The following UNC13A variants were observed in gnomAD, a reference collection of about 807,000 sequenced individuals.
UNC13A encodes the protein protein unc-13 homolog A.
A neutral mutation model predicts 219.7 loss-of-function variants in UNC13A; 61 were observed. That is an observed-to-expected ratio of 0.28 (90% confidence interval 0.23 to 0.34). The LOEUF is 0.34. Among genes scored for constraint, UNC13A ranks in the 10% least tolerant of loss-of-function variants. The probability of loss-of-function intolerance (pLI) is 1.00; values close to 1 mark genes in which losing one functional copy is unlikely to be tolerated. For missense variants in UNC13A, 1,476 were observed against 2,270.3 expected, an observed-to-expected ratio of 0.65 and a Z score of 7.11; for synonymous variants, 920 against 884.6, an observed-to-expected ratio of 1.04 and a Z score of -0.71.
intron 31 of UNC13A, chr19:17,628,298 GAC>G: frequency 3.4e-6 from 1 of 295,614 alleles, no homozygotes; most frequent in Non-Finnish European, 6.5e-6. Context: ...GCCAGACAGT[GAC>G]ACACTGAAGG....
At chr19:17,652,417 C>A (rs1310037043) in intron 12 of UNC13A, among the ~76,000 whole-genome samples, 1 of 152,168 alleles carries the variant, frequency 6.6e-6, no homozygotes, top group Non-Finnish European at 1.5e-5. Context: ...CAGGCATGAG[C>A]CACCGCACCC....
At chr19:17,672,861 C>T (rs2079816873) in intron 3 of UNC13A, among the ~76,000 whole-genome samples, 1 of 152,116 alleles carries the variant, frequency 6.6e-6, no homozygotes. Flanking sequence ...GCTCCCTTTA[C>T]CTACAGGATA....
At chr19:17,660,095 T>C (rs551649570) in intron 8 of UNC13A, among the ~76,000 whole-genome samples, 5 of 152,070 alleles carry the variant, frequency 3.3e-5, no homozygotes, top group Admixed American at 2.0e-4. Flanking sequence ...AGAGATGGGA[T>C]CTCCCTATAT....
intron 1 of UNC13A, among the ~76,000 whole-genome samples, chr19:17,680,864 T>C (rs1227849692): frequency 8.2e-6 from 1 of 122,230 alleles, no homozygotes; most frequent in African/African-American, 2.8e-5. Context: ...TCTCTTCTTC[T>C]TCTTCTTTTT....
chr19:17,623,573 G>A (rs999614134), intron 35 of UNC13A, 26 bp from the exon 36 acceptor site: 21 of 1,226,662 alleles, frequency 1.7e-5, no homozygotes, highest in Non-Finnish European at 2.2e-5. Flanking sequence ...GGGGCGGGGC[G>A]GTGGGGGAGG....
chr19:17,651,035 T>TCAAGCAATTCTCCTATCTCAGCCTCC, intron 12 of UNC13A, among the ~76,000 whole-genome samples: 1 of 151,392 alleles, frequency 6.6e-6, no homozygotes, highest in Non-Finnish European at 1.5e-5. Flanking sequence ...CCTCCTGGGT[T>TCAAGCAATTCTCCTATCTCAGCCTCC]CAAGCAATTC....
chr19:17,655,782 C>T (rs1183224964), intron 10 of UNC13A, 101 bp downstream of exon 10: 2 of 1,429,122 alleles, frequency 1.4e-6, no homozygotes, highest in African/African-American at 2.9e-5. Context: ...GTGACAACTT[C>T]AGCCCCAGCA....
At chr19:17,626,878 A>C (rs2076789022) in intron 33 of UNC13A, 93 bp from the exon 34 acceptor site, 2 of 1,470,410 alleles carry the variant, frequency 1.4e-6, no homozygotes, top group Admixed American at 2.3e-5. Flanking sequence ...TATCATTTGC[A>C]TCACAGCACA....
chr19:17,622,661 C>G (rs1484307752), intron 36 of UNC13A: 1 of 152,810 alleles, frequency 6.5e-6, no homozygotes, highest in Admixed American at 6.5e-5. Flanking sequence ...TCACCACCAC[C>G]ACCACCACCA....
At chr19:17,665,884 G>A (rs974495667) in intron 7 of UNC13A, among the ~76,000 whole-genome samples, 3 of 152,104 alleles carry the variant, frequency 2.0e-5, no homozygotes, top group African/African-American at 4.8e-5. Flanking sequence ...AGCCCTCAGA[G>A]TGAGGGGGCT....
intron 2 of UNC13A, among the ~76,000 whole-genome samples, chr19:17,675,788 A>G (rs997259634): frequency 1.3e-5 from 2 of 151,846 alleles, no homozygotes; most frequent in Non-Finnish European, 1.5e-5. Context: ...CCCCTTACAG[A>G]CTCTCCAAGG....
rs1024020681 is a variant in UNC13A, at chr19:17,676,311, A to G, written c.23-270T>C. ...GAGAGAAGCCATCAGACAGATGAGC[A>G]CAGGCAACCCTAGAATGGAAGGAAA... is the stretch of plus-strand genomic sequence containing the variant. On this transcript the variant is annotated intron_variant, in intron 1 of 43. Transcript: ENST00000519716. The G allele has an allele frequency of 1.5e-5, 9 of 593,242 alleles. No homozygotes were observed. In the African/African-American group the frequency reaches 1.7e-4, roughly 11 times the overall value. 36.7% of individuals were successfully genotyped at this position (593,242 alleles called of 1,614,324 possible). A position where few individuals can be genotyped will look rare whatever the true frequency, so the allele number is the denominator to read the frequency against.
At chr19:17,608,415 AT>A (rs1365239269) in intron 43 of UNC13A, among the ~76,000 whole-genome samples, 44 of 137,856 alleles carry the variant, frequency 3.2e-4, no homozygotes, top group Non-Finnish European at 5.4e-4. Context: ...ATATATAAAA[AT>A]ATATTTATAT....
At chr19:17,682,998 G>A (rs1057513317) in intron 1 of UNC13A, among the ~76,000 whole-genome samples, 10 of 152,148 alleles carry the variant, frequency 6.6e-5, no homozygotes, top group African/African-American at 2.4e-4. Flanking sequence ...CCGGGAGGAG[G>A]AGGTTACAGT....
At chr19:17,633,863 A>C (rs1250737098) in intron 26 of UNC13A, among the ~76,000 whole-genome samples, 1 of 150,028 alleles carries the variant, frequency 6.7e-6, no homozygotes, top group East Asian at 2.0e-4. Context: ...CCATCCACCT[A>C]CCCATCTATC....
At chr19:17,669,813 G>A (rs923056709) in intron 4 of UNC13A, 137 bp from the exon 5 acceptor site, 28 of 1,037,380 alleles carry the variant, frequency 2.7e-5, no homozygotes, top group Middle Eastern at 3.4e-4. Context: ...CTTTCCTTCC[G>A]TCCTTCCTTC....
At chr19:17,609,279 T>G (rs968896687) in intron 43 of UNC13A, among the ~76,000 whole-genome samples, 4 of 152,012 alleles carry the variant, frequency 2.6e-5, no homozygotes, top group African/African-American at 4.8e-5. Flanking sequence ...CAGAGCAGAC[T>G]TTTTTATGCT....
At position 17,655,287 on chromosome 19, in the gene UNC13A, A is replaced by C. The variant is rs1314417500; in HGVS notation, c.1379T>G (p.Met460Arg). 1 of 1,578,032 alleles carries C rather than the reference A, an allele frequency of 6.3e-7. No individual in the cohort carries two copies. Among genetic ancestry groups the C allele is most frequent in the Non-Finnish European group, 8.6e-7 (1 of 1,163,794 alleles). ...CGTGTCACTCACCTCCTGCAGCTGC[A>C]TCCGCACCTTGTTGAAGGCACGCAG... ...NWLRAFNKVR[M>R]QLQEARGEGE... The change falls in exon 11 of 44, where the codon ATG becomes AGG. Residue 460 changes from methionine to arginine, a missense_variant. This residue lies in a region of UNC13A where 351 missense variants were observed against 342.6 expected (regional missense o/e 1.02). Transcript: ENST00000519716.
Position 17,656,295 on chromosome 19 carries a change from C to G in UNC13A, c.871G>C (p.Asp291His). The stretch of plus-strand genomic sequence containing the variant: ...TCCCGGTCCCGCTCATCCTCCATGT[C>G]GGAGCCCTGCAGGCTGTGCTCGTCA... ...DPDEHSLQGS[D>H]MEDERDRDSY... The change falls in exon 10 of 44, where the codon GAC becomes CAC. Residue 291 changes from aspartate (D) to histidine (H), a missense_variant. Physicochemically the swap from Asp to His is moderately conservative, Grantham distance 81. Transcript: ENST00000519716. 3.2e-6 allele frequency: 5 copies of G among 1,553,252 alleles called. No individual in the cohort carries two copies. The highest frequency in any genetic ancestry group is 4.4e-6 in the Non-Finnish European group (5 of 1,148,106).
Sources: gnomAD v4.1 joint callset for allele counts (sites outside exome capture counted in the v4.1 genomes callset) on GRCh38, gnomAD v4.1.1 for gene constraint, gnomAD v4.1.1 regional missense constraint, MANE v1.5 for transcripts, NCBI Gene and HGNC (gene_info 2026-07-23, HGNC 2026-07-21) for gene names.